Variants in BASP1 observed in about 807,000 individuals in gnomAD.
BASP1 encodes the protein brain acid soluble protein 1.
BASP1 carries 1 observed loss-of-function variant against 2.2 expected under a neutral mutation model. The observed-to-expected ratio is 0.46, with a 90% CI of 0.16 to 2.17. BASP1 has a LOEUF of 2.17. Among genes scored for constraint, BASP1 ranks in the 30% most tolerant of loss-of-function variants. The pLI is 0.27. For missense variants in BASP1, 352 were observed against 327.2 expected, an observed-to-expected ratio of 1.08 and a Z score of -0.58; for synonymous variants, 187 against 154.2, an observed-to-expected ratio of 1.21 and a Z score of -1.58.
At position 17,275,358 on chromosome 5, in the gene BASP1, C is replaced by A; in HGVS notation, c.142C>A (p.Pro48Thr). The A allele has an allele frequency of 1.9e-6, 3 of 1,600,460 alleles. No individual in the cohort carries two copies. In the African/African-American group the frequency reaches 4.0e-5, roughly 21 times the overall value. Reference sequence around the variant, plus strand: ...GAGTGAGCCCCAGGCGGCCGCAGAGCCCGCCGAGGCCAAGGAGGGCAAGGA... The same window carrying A: ...GAGTGAGCCCCAGGCGGCCGCAGAGACCGCCGAGGCCAAGGAGGGCAAGGA... ...KESEPQAAAEPAEAKEGKEKP... is the reference protein window; with the variant it reads ...KESEPQAAAETAEAKEGKEKP... Residue 48 changes from proline to threonine, a missense_variant, in exon 2 of 2, where the codon CCC becomes ACC. Physicochemically the swap from Pro to Thr is conservative, Grantham distance 38. Transcript: ENST00000322611. This position sits in a 1 kb window ranked among gnomAD's most constrained non-coding sequence, Gnocchi z 5.3.
In BASP1 at chr5:17,260,254, CCTT is replaced by C. The variant is rs774577072; in HGVS notation, c.-9-14951_-9-14949del. 6.6e-5 allele frequency among the ~76,000 whole-genome samples: 10 copies of C among 152,120 alleles called. No homozygotes were observed. The highest frequency in any genetic ancestry group is 1.2e-4 in the Non-Finnish European group (8 of 68,034). On this transcript the variant is annotated intron_variant, in intron 1 of 1. Coordinates refer to ENST00000322611, the MANE Select transcript of BASP1 (RefSeq NM_006317.5). This position sits in a 1 kb window ranked among gnomAD's most constrained non-coding sequence, Gnocchi z 4.2. ...GGATGTATTAAAAAAGAAGAAAAAA[CCTT>C]CTGCATTAGTGTCTATACAGTCAAC...
intron 1 of BASP1, among the ~76,000 whole-genome samples, chr5:17,267,412 T>C (rs780357096): frequency 5.9e-5 from 9 of 152,242 alleles, no homozygotes; most frequent in Non-Finnish European, 1.2e-4. Context: ...AGTTTACACA[T>C]TATTCTGAGA....
intron 1 of BASP1, among the ~76,000 whole-genome samples, chr5:17,247,562 A>T (rs866369080): frequency 6.6e-6 from 1 of 152,258 alleles, no homozygotes; most frequent in South Asian, 2.1e-4. Flanking sequence ...GACTGATCTG[A>T]AGTTGTGCCT....
At chr5:17,270,873 G>A (rs1740516732) in intron 1 of BASP1, among the ~76,000 whole-genome samples, 1 of 152,150 alleles carries the variant, frequency 6.6e-6, no homozygotes, top group Non-Finnish European at 1.5e-5. Context: ...ACGGAAGGAC[G>A]ATGAGATTAA....
At chr5:17,274,714 A>C (rs889392520) in intron 1 of BASP1, among the ~76,000 whole-genome samples, 1 of 152,246 alleles carries the variant, frequency 6.6e-6, no homozygotes, top group Non-Finnish European at 1.5e-5. Context: ...TATGATTAGA[A>C]GCTCCACAAC....
chr5:17,262,715 C>T (rs1051110116), intron 1 of BASP1, among the ~76,000 whole-genome samples: 4 of 152,142 alleles, frequency 2.6e-5, no homozygotes, highest in African/African-American at 7.2e-5. Flanking sequence ...CTCTTGATAA[C>T]GTTTGACTTA....
intron 1 of BASP1, among the ~76,000 whole-genome samples, chr5:17,242,470 T>C (rs1162945615): frequency 6.6e-6 from 1 of 151,466 alleles, no homozygotes; most frequent in Non-Finnish European, 1.5e-5. Context: ...TCTGTCACAA[T>C]TGATAAACTT....
chr5:17,245,436 TTGA>T (rs1489773509), intron 1 of BASP1, among the ~76,000 whole-genome samples: 1 of 152,232 alleles, frequency 6.6e-6, no homozygotes, highest in African/African-American at 2.4e-5. Context: ...GTTATAATTG[TTGA>T]TATTACAACA....
At chr5:17,219,458 A>G (rs574182678) in intron 1 of BASP1, among the ~76,000 whole-genome samples, 1 of 152,326 alleles carries the variant, frequency 6.6e-6, no homozygotes, top group African/African-American at 2.4e-5. Context: ...GATGAGGATG[A>G]AGGCAAATTG....
rs774364051 is a variant in BASP1, at chr5:17,275,933, T to TA, written c.*37dup. 8.8e-6 allele frequency: 13 copies of TA among 1,473,902 alleles called. No homozygotes were observed. In the African/African-American group the frequency reaches 1.7e-4, roughly 19 times the overall value. The allele number at this position is 1,473,902 out of a possible 1,614,324, so 91.3% of individuals were successfully genotyped here. Reference sequence around the variant, plus strand: ...AGCCTATAGGAAAAACAATACCACTTAAAACAATCTCCTCTCTCTCTCTCT... The same window carrying TA: ...AGCCTATAGGAAAAACAATACCACTTAAAAACAATCTCCTCTCTCTCTCTCT... On this transcript the variant is annotated 3_prime_UTR_variant, in exon 2 of 2. Transcript: ENST00000322611. This position sits in a 1 kb window ranked among gnomAD's most constrained non-coding sequence, Gnocchi z 5.3.
Position 17,275,393 on chromosome 5 carries a change from C to A in BASP1, c.177C>A (p.Asp59Glu). ...AEAKEGKEKP[D>E]QDAEGKAEEK... is the part of the protein sequence containing the mutation. ...CCAAGGAGGGCAAGGAGAAGCCCGA[C>A]CAGGACGCCGAGGGCAAGGCCGAGG... Residue 59 changes from aspartate to glutamate, a missense_variant, in exon 2 of 2, where the codon GAC (aspartate) becomes GAA (glutamate). By Grantham distance (45) the Asp-to-Glu change is conservative. Transcript: ENST00000322611. This position sits in a 1 kb window ranked among gnomAD's most constrained non-coding sequence, Gnocchi z 5.3. 1 of 1,584,444 alleles carries A rather than the reference C, an allele frequency of 6.3e-7. No homozygotes were observed. The highest frequency in any genetic ancestry group is 1.1e-5 in the South Asian group (1 of 88,612).
At chr5:17,217,001 T>G (rs142745530), upstream of BASP1, 190 of 150,666 alleles carry the variant, frequency 1.3e-3, no homozygotes, top group Non-Finnish European at 2.0e-3. Flanking sequence ...GCTCCCTAAG[T>G]CTGAGCGAGA....
chr5:17,252,581 AGTTTTTGACCTGGTAC>A (rs760124212), intron 1 of BASP1, among the ~76,000 whole-genome samples: 7 of 152,158 alleles, frequency 4.6e-5, no homozygotes, highest in Non-Finnish European at 7.3e-5. Context: ...GTGTGTCCAG[AGTTTTTGACCTGGTAC>A]GTGCTGTGTA....
At chr5:17,240,722 A>G (rs1739845289) in intron 1 of BASP1, 1 of 152,202 alleles carries the variant, frequency 6.6e-6, no homozygotes, top group African/African-American at 2.4e-5. Flanking sequence ...ATTTTGGAAA[A>G]TAAAAAAGTT....
At chr5:17,238,396 A>G (rs983416519) in intron 1 of BASP1, among the ~76,000 whole-genome samples, 7 of 152,130 alleles carry the variant, frequency 4.6e-5, no homozygotes, top group African/African-American at 1.7e-4. Flanking sequence ...ACTGATGTTT[A>G]TCTTGGAAAT....
chr5:17,267,549 G>T (rs1323660608), intron 1 of BASP1, among the ~76,000 whole-genome samples: 4 of 147,364 alleles, frequency 2.7e-5, no homozygotes, highest in Non-Finnish European at 4.5e-5. Context: ...GTCTTGCTCT[G>T]TCACCAGGCC....
Position 17,236,661 on chromosome 5 carries a change from T to A in BASP1, c.-10+18851T>A, listed in dbSNP as rs532018603. On this transcript the variant is annotated intron_variant, in intron 1 of 1. Transcript: ENST00000322611. This position sits in a 1 kb window ranked among gnomAD's most constrained non-coding sequence, Gnocchi z 4.0. ...CTGAATATATCCTGAGAGCAGGTCC[T>A]AAGAGTTTATTTTTCATGTTATTGT... Among the ~76,000 whole-genome samples, 2 of 152,308 alleles carry A rather than the reference T, an allele frequency of 1.3e-5. No individual in the cohort carries two copies. The highest frequency in any genetic ancestry group is 4.1e-4 in the South Asian group (2 of 4,826).
At chr5:17,250,112 T>G (rs1740071691) in intron 1 of BASP1, among the ~76,000 whole-genome samples, 1 of 152,106 alleles carries the variant, frequency 6.6e-6, no homozygotes. Flanking sequence ...CAGCTAATTT[T>G]TGTATGTTTT....
chr5:17,237,008 G>C (rs1338394638), intron 1 of BASP1, among the ~76,000 whole-genome samples: 1 of 152,026 alleles, frequency 6.6e-6, no homozygotes, highest in Admixed American at 6.6e-5. Context: ...CAGCCCACCG[G>C]GTAGTAAACA....
Sources: gnomAD v4.1 joint callset for allele counts (sites outside exome capture counted in the v4.1 genomes callset) on GRCh38, gnomAD v4.1.1 for gene constraint, Gnocchi (gnomAD v3.1) non-coding constraint, MANE v1.5 for transcripts, NCBI Gene and HGNC (gene_info 2026-07-23, HGNC 2026-07-21) for gene names.